Variants in PHF20L1 observed in about 807,000 individuals in gnomAD.
The protein encoded by PHF20L1 is PHD finger protein 20 like 1.
PHF20L1 carries 44 observed loss-of-function variants against 125.5 expected under a neutral mutation model. The ratio of observed to expected loss-of-function variants is 0.35; its 90% CI spans 0.28 to 0.45. PHF20L1 has a LOEUF of 0.45. Among genes scored for constraint, PHF20L1 ranks in the 20% least tolerant of loss-of-function variants. The probability of loss-of-function intolerance (pLI) is 1.00; values close to 1 mark genes in which losing one functional copy is unlikely to be tolerated. For synonymous variants in PHF20L1, 380 were observed against 403.1 expected (o/e 0.94, Z 0.69); for missense variants, 1,012 against 1,217.2 (o/e 0.83, Z 2.51).
At chr8:132,786,953 T>C (rs1352195363) in intron 2 of PHF20L1, among the ~76,000 whole-genome samples, 1 of 152,146 alleles carries the variant, frequency 6.6e-6, no homozygotes, top group Non-Finnish European at 1.5e-5. Flanking sequence ...CTATCTGTAG[T>C]AAAGTTTTTT....
chr8:132,809,622 CA>C (rs1353644774), intron 8 of PHF20L1: 1 of 152,146 alleles, frequency 6.6e-6, no homozygotes, highest in Non-Finnish European at 1.5e-5. Context: ...ATGTTGTGGA[CA>C]GCTTCTGTAA....
intron 2 of PHF20L1, among the ~76,000 whole-genome samples, chr8:132,786,393 A>G (rs1831029860): frequency 6.6e-6 from 1 of 152,028 alleles, no homozygotes. Context: ...TTGTACAATT[A>G]TTTTCCATAC....
rs1416829111 is a variant in PHF20L1 at position 132,816,981 on chromosome 8, A to G, written c.1277A>G (p.Asp426Gly). ...TTAGCCACCTTACCCATGCCTGATG[A>G]TTCTGTAGAAAAGGTTTCTTCTCCC... Reference protein sequence around the residue: ...QRLATLPMPDDSVEKVSSPSP... With the variant: ...QRLATLPMPDGSVEKVSSPSP... Residue 426 changes from aspartate (D) to glycine (G), a missense_variant, in exon 11 of 21, where the codon GAT (aspartate) becomes GGT (glycine). By Grantham distance (94) the Asp-to-Gly change is moderately conservative (BLOSUM62 -1). This residue lies in a region of PHF20L1 where 119 missense variants were observed against 160.2 expected (regional missense o/e 0.74). Transcript: ENST00000395386. The G allele has an allele frequency of 1.2e-6, 2 of 1,611,176 alleles. No homozygotes were observed. The highest frequency in any genetic ancestry group is 1.7e-6 in the Non-Finnish European group (2 of 1,178,244).
At chr8:132,796,992 ACACT>A (rs1179300794) in intron 4 of PHF20L1, among the ~76,000 whole-genome samples, 2 of 152,030 alleles carry the variant, frequency 1.3e-5, no homozygotes, top group African/African-American at 4.8e-5. Context: ...CATAGCGCAC[ACACT>A]CAGAACAAAA....
chr8:132,786,009 A>G (rs1056557560), intron 2 of PHF20L1, among the ~76,000 whole-genome samples: 2 of 152,114 alleles, frequency 1.3e-5, no homozygotes, highest in African/African-American at 4.8e-5. Flanking sequence ...AAGTTTTGGG[A>G]TATCTTGAAA....
At chr8:132,840,162 A>C (rs189780878) in intron 18 of PHF20L1, among the ~76,000 whole-genome samples, 324 of 152,206 alleles carry the variant, frequency 2.1e-3, no homozygotes, top group African/African-American at 7.7e-3. Context: ...AAGAACAAAC[A>C]AACAAAAACC....
At position 132,842,667 on chromosome 8, in the gene PHF20L1, G is replaced by T; in HGVS notation, c.2540G>T (p.Arg847Leu). Residue 847 changes from arginine to leucine, a missense_variant, in exon 19 of 21, where the codon CGT becomes CTT. Coordinates refer to ENST00000395386, the MANE Select transcript of PHF20L1 (RefSeq NM_016018.5). ...GTACAGAACCATAAAGAACCACCTCGTTTGCCCCTAAAAATGGAAGGAACT... is the reference window on the plus strand; with the variant it reads ...GTACAGAACCATAAAGAACCACCTCTTTTGCCCCTAAAAATGGAAGGAACT... ...KYVQNHKEPP[R>L]LPLKMEGTYI... is the part of the protein sequence containing the mutation. The T allele has an allele frequency of 3.1e-6, 5 of 1,613,100 alleles. No homozygotes were observed. The highest frequency in any genetic ancestry group is 2.2e-5 in the East Asian group (1 of 44,826).
intron 4 of PHF20L1, among the ~76,000 whole-genome samples, chr8:132,797,372 T>C (rs1263506547): frequency 6.6e-6 from 1 of 151,740 alleles, no homozygotes; most frequent in Non-Finnish European, 1.5e-5. Flanking sequence ...TGTACTGGAG[T>C]CATTGGGGAA....
chr8:132,828,452 A>G (rs996767049), intron 14 of PHF20L1, among the ~76,000 whole-genome samples: 3 of 152,030 alleles, frequency 2.0e-5, no homozygotes, highest in African/African-American at 4.8e-5. Flanking sequence ...TCACCATGCT[A>G]TGTTATTAAT....
At chr8:132,843,847 CTAAA>C in intron 19 of PHF20L1, 1 of 985,164 alleles carries the variant, frequency 1.0e-6, no homozygotes, top group Non-Finnish European at 1.2e-6. Context: ...AGAGGCCAGT[CTAAA>C]TTAATCAGGA....
rs1837386956 is a variant in PHF20L1 at position 132,836,606 on chromosome 8, A to G, written c.1976A>G (p.Tyr659Cys). The change falls in exon 16 of 21, where the codon TAC (tyrosine) becomes TGC (cysteine). Residue 659 changes from tyrosine to cysteine, a missense_variant. Around this residue, in one of 7 missense-constraint regions of PHF20L1, gnomAD observed 320 missense variants for 293.8 expected, o/e 1.09. Coordinates refer to ENST00000395386, the MANE Select transcript of PHF20L1 (RefSeq NM_016018.5). The part of the protein sequence containing the change: ...TESLLLSGDE[Y>C]NQDFDSTNFE... ...AGTTTGCTTCTGAGTGGGGATGAATACAATCAGGACTTTGATTCAACCAAT... is the reference window on the plus strand; with the variant it reads ...AGTTTGCTTCTGAGTGGGGATGAATGCAATCAGGACTTTGATTCAACCAAT... 6.2e-7 allele frequency: 1 copy of G among 1,611,634 alleles called. No homozygotes were observed. Among genetic ancestry groups the G allele is most frequent in the Admixed American group, 1.7e-5 (1 of 59,900 alleles).
At chr8:132,781,932 T>C (rs923375377) in intron 2 of PHF20L1, among the ~76,000 whole-genome samples, 1 of 152,222 alleles carries the variant, frequency 6.6e-6, no homozygotes, top group African/African-American at 2.4e-5. Flanking sequence ...TGTGGGCTGT[T>C]TTAATTTTTA....
intron 12 of PHF20L1, 42 bp from the exon 13 acceptor site, chr8:132,823,958 TTAAG>T (rs769866693): frequency 6.1e-6 from 7 of 1,148,804 alleles, no homozygotes; most frequent in Non-Finnish European, 7.7e-6. Context: ...TCCCATACTT[TTAAG>T]TTTTTCTGAT....
chr8:132,829,533 G>A (rs1027712580), intron 14 of PHF20L1, among the ~76,000 whole-genome samples: 3 of 152,116 alleles, frequency 2.0e-5, no homozygotes, highest in African/African-American at 7.2e-5. Context: ...TGTGGTTATG[G>A]TGAGGCCACT....
rs542936578 is a variant in PHF20L1, at chr8:132,837,378, C to T, written c.2092-334C>T. On this transcript the variant is annotated intron_variant, in intron 16 of 20. Coordinates refer to ENST00000395386, the MANE Select transcript of PHF20L1 (RefSeq NM_016018.5). ...GACACTGCTACCAACTTTTTTTTCC[C>T]CTAATTTCCGCATTTTAATAAACTA... Among the ~76,000 whole-genome samples, 4 of 151,970 alleles carry T rather than the reference C, an allele frequency of 2.6e-5. No homozygotes were observed. The South Asian group carries it at 8.3e-4, about 32-fold the overall frequency.
intron 14 of PHF20L1, among the ~76,000 whole-genome samples, chr8:132,829,208 A>T (rs1836511091): frequency 1.3e-5 from 2 of 152,138 alleles, no homozygotes; most frequent in South Asian, 4.1e-4. Flanking sequence ...TTACAATCAG[A>T]TTCTGCTTCT....
At chr8:132,785,868 G>A (rs1409298754) in intron 2 of PHF20L1, among the ~76,000 whole-genome samples, 1 of 152,072 alleles carries the variant, frequency 6.6e-6, no homozygotes, top group African/African-American at 2.4e-5. Context: ...TGATTAGCTA[G>A]GGTACTGAAG....
Position 132,798,809 on chromosome 8 carries a change from T to C in PHF20L1, c.378T>C (p.Arg126=). 6.2e-7 allele frequency: 1 copy of C among 1,610,266 alleles called. No individual in the cohort carries two copies. Among genetic ancestry groups the C allele is most frequent in the Non-Finnish European group, 8.5e-7 (1 of 1,177,664 alleles). ...TTCAGTTTTATGATGGAGTAATTCGTTGTTTAAAAAGAATGCACATTAAAG... is the reference window on the plus strand; with the variant it reads ...TTCAGTTTTATGATGGAGTAATTCGCTGTTTAAAAAGAATGCACATTAAAG... ...FTVQFYDGVI[R]CLKRMHIKAM... Residue 126 remains arginine, a synonymous_variant, in exon 5 of 21, where the codon CGT becomes CGC. Transcript: ENST00000395386.
chr8:132,789,983 C>G (rs1309967883), intron 2 of PHF20L1, among the ~76,000 whole-genome samples: 1 of 152,160 alleles, frequency 6.6e-6, no homozygotes, highest in Non-Finnish European at 1.5e-5. Context: ...TCTGACTCTT[C>G]AAAATCTGAA....
Sources: gnomAD v4.1 joint callset for allele counts (sites outside exome capture counted in the v4.1 genomes callset) on GRCh38, gnomAD v4.1.1 for gene constraint, gnomAD v4.1.1 regional missense constraint, MANE v1.5 for transcripts, NCBI Gene and HGNC (gene_info 2026-07-23, HGNC 2026-07-21) for gene names.